The following PPP2R2D variants were observed in gnomAD, a reference collection of about 807,000 sequenced individuals.
The protein encoded by PPP2R2D is protein phosphatase 2 regulatory subunit Bdelta.
PPP2R2D carries 9 observed loss-of-function variants against 31.1 expected under a neutral mutation model. The observed-to-expected ratio is 0.29, with a 90% CI of 0.17 to 0.51. The LOEUF is 0.51. Ranked by LOEUF, PPP2R2D falls within the 20% of genes least tolerant of loss-of-function variation. PPP2R2D has a pLI of 0.98. For synonymous variants in PPP2R2D, 179 were observed against 172.6 expected (o/e 1.04, Z -0.29); for missense variants, 391 against 465.6 (o/e 0.84, Z 1.48).
intron 2 of PPP2R2D, among the ~76,000 whole-genome samples, chr10:131,929,149 G>C (rs2036161857): frequency 1.3e-5 from 2 of 152,180 alleles, no homozygotes; most frequent in African/African-American, 4.8e-5. Context: ...CTTGGTTTCA[G>C]GCACCCCCTT....
chr10:131,917,192 C>T (rs1554893276), intron 2 of PPP2R2D, among the ~76,000 whole-genome samples: 8 of 144,250 alleles, frequency 5.5e-5, no homozygotes, highest in Admixed American at 2.1e-4. Flanking sequence ...TTGTAGGGAC[C>T]TCAGGTGGGT....
intron 2 of PPP2R2D, among the ~76,000 whole-genome samples, chr10:131,907,498 T>C (rs2035612525): frequency 6.6e-6 from 1 of 152,038 alleles, no homozygotes; most frequent in Non-Finnish European, 1.5e-5. Flanking sequence ...CCCAGCACTT[T>C]GGGAGGCCGA....
In PPP2R2D at chr10:131,940,188, C is replaced by A; in HGVS notation, c.356C>A (p.Ser119Tyr). ...CAGAATGCTGCTCATTTTCTACTGT[C>A]TACAAATGGTAAGAATTGTGTTCTA... ...PQQNAAHFLL[S>Y]TNDKTIKLWK... Residue 119 changes from serine (S) to tyrosine (Y), a missense_variant, in exon 4 of 9, where the codon TCT (serine) becomes TAT (tyrosine). Physicochemically the swap from Ser to Tyr is moderately radical, Grantham distance 144 (BLOSUM62 -2). This residue lies in a region of PPP2R2D where 105 missense variants were observed against 98.5 expected (regional missense o/e 1.07). Transcript: ENST00000455566. 1 of 742,114 alleles carries A rather than the reference C, an allele frequency of 1.3e-6. No homozygotes were observed. Among genetic ancestry groups the A allele is most frequent in the South Asian group, 1.5e-5 (1 of 68,118 alleles). 46.0% of individuals were successfully genotyped at this position (742,114 alleles called of 1,614,324 possible). A position where few individuals can be genotyped will look rare whatever the true frequency, so the allele number is the denominator to read the frequency against.
chr10:131,937,082 G>C (rs1289712206), intron 3 of PPP2R2D, among the ~76,000 whole-genome samples: 10 of 152,232 alleles, frequency 6.6e-5, no homozygotes, highest in Admixed American at 3.3e-4. Flanking sequence ...GTCCACGTGT[G>C]CGTCTTAGAA....
chr10:131,928,158 G>A (rs1254684532), intron 2 of PPP2R2D, among the ~76,000 whole-genome samples: 3 of 152,186 alleles, frequency 2.0e-5, no homozygotes, highest in Non-Finnish European at 4.4e-5. Context: ...GACAGCTAGG[G>A]AGGGTGGACA....
At chr10:131,906,329 T>G (rs1466851334) in intron 2 of PPP2R2D, among the ~76,000 whole-genome samples, 2 of 152,200 alleles carry the variant, frequency 1.3e-5, no homozygotes, top group Admixed American at 1.3e-4. Context: ...TTAAGTGTAT[T>G]GGGGTTTTAT....
At chr10:131,928,101 G>C (rs1299734965) in intron 2 of PPP2R2D, among the ~76,000 whole-genome samples, 1 of 152,206 alleles carries the variant, frequency 6.6e-6, no homozygotes, top group Non-Finnish European at 1.5e-5. Context: ...CATTTCAGCT[G>C]GTGTGTGAGT....
At chr10:131,963,548 C>T (rs1421360386), downstream of PPP2R2D, among the ~76,000 whole-genome samples, 3 of 152,190 alleles carry the variant, frequency 2.0e-5, no homozygotes, top group Non-Finnish European at 4.4e-5. Flanking sequence ...TCACTGCGCG[C>T]GTCTGGGCGG....
At chr10:131,910,653 G>A (rs2119737401) in intron 2 of PPP2R2D, among the ~76,000 whole-genome samples, 1 of 152,290 alleles carries the variant, frequency 6.6e-6, no homozygotes, top group East Asian at 1.9e-4. Flanking sequence ...TATGTATTTG[G>A]TCTTCCCTAG....
downstream of PPP2R2D, among the ~76,000 whole-genome samples, chr10:131,962,640 G>A (rs1297446969): frequency 2.6e-5 from 4 of 152,130 alleles, no homozygotes; most frequent in Non-Finnish European, 5.9e-5. Flanking sequence ...TGCAGGGACC[G>A]TCCATCGCTG....
downstream of PPP2R2D, among the ~76,000 whole-genome samples, chr10:131,964,623 T>C (rs1488268992): frequency 1.3e-5 from 2 of 151,866 alleles, no homozygotes; most frequent in African/African-American, 2.4e-5. Context: ...GTTTCAGGAT[T>C]GCCAACCCAT....
At position 131,957,970 on chromosome 10, in the gene PPP2R2D, G is replaced by A. The variant is rs781834243; in HGVS notation, c.*2007G>A. On this transcript the variant is annotated 3_prime_UTR_variant, in exon 9 of 9. Transcript: ENST00000455566. Reference sequence around the variant, plus strand: ...CATCTCCCTGTGAAGATGAAGGGGTGTGCTGATCCCCCGTGCCCCTGTGGA... The same window carrying A: ...CATCTCCCTGTGAAGATGAAGGGGTATGCTGATCCCCCGTGCCCCTGTGGA... The A allele has an allele frequency of 3.0e-4, 48 of 157,682 alleles. 1 individual carries two copies. The highest frequency in any genetic ancestry group is 1.5e-4 in the South Asian group (1 of 6,884). The allele number at this position is 157,682 out of a possible 1,614,324, so 9.8% of individuals were successfully genotyped here. A position where few individuals can be genotyped will look rare whatever the true frequency, so the allele number is the denominator to read the frequency against.
chr10:131,946,330 T>A, intron 7 of PPP2R2D, among the ~76,000 whole-genome samples: 1 of 152,192 alleles, frequency 6.6e-6, no homozygotes, highest in Non-Finnish European at 1.5e-5. Context: ...CCTGAAACAT[T>A]GCTGACCCTT....
At chr10:131,923,352 T>C (rs2036030698) in intron 2 of PPP2R2D, among the ~76,000 whole-genome samples, 1 of 152,258 alleles carries the variant, frequency 6.6e-6, no homozygotes, top group Admixed American at 6.5e-5. Context: ...CATTTTTGTT[T>C]ATCCGTTAGT....
chr10:131,937,838 G>C (rs1554896694), intron 3 of PPP2R2D, among the ~76,000 whole-genome samples: 1 of 152,240 alleles, frequency 6.6e-6, no homozygotes, highest in African/African-American at 2.4e-5. Context: ...TTGAGGGGCT[G>C]TGCTTTTTTG....
intron 2 of PPP2R2D, among the ~76,000 whole-genome samples, chr10:131,908,072 C>G (rs2035626422): frequency 1.3e-5 from 2 of 152,162 alleles, no homozygotes; most frequent in Admixed American, 6.5e-5. Context: ...AAGTGCTTTT[C>G]AAGTATTAGA....
downstream of PPP2R2D, among the ~76,000 whole-genome samples, chr10:131,962,415 T>C (rs2036937820): frequency 6.6e-6 from 1 of 152,200 alleles, no homozygotes; most frequent in African/African-American, 2.4e-5. Flanking sequence ...ACAGTCTCCA[T>C]CTGGTGAGTG....
chr10:131,947,483 C>T lies in PPP2R2D; in HGVS notation c.821-47C>T, dbSNP rs200130260. On this transcript the variant is annotated intron_variant, in intron 7 of 8. Transcript: ENST00000455566. The surrounding 1 kb of genome is among the most constrained non-coding windows in gnomAD (Gnocchi z 4.3). ...TACTTGAACTTGAAAATGATTTGTT[C>T]TCTGATTTTTAAACAGAAGCTGAAA... 1 of 1,582,008 alleles carries T rather than the reference C, an allele frequency of 6.3e-7. No individual in the cohort carries two copies. The highest frequency in any genetic ancestry group is 1.1e-5 in the South Asian group (1 of 87,846).
rs2036568285 is a variant in PPP2R2D, at chr10:131,947,783, T to C, written c.1074T>C (p.Gly358=). 1 of 1,613,566 alleles carries C rather than the reference T, an allele frequency of 6.2e-7. No individual in the cohort carries two copies. The highest frequency in any genetic ancestry group is 8.5e-7 in the Non-Finnish European group (1 of 1,179,558). Residue 358 remains glycine (G), a synonymous_variant, in exon 8 of 9, where the codon GGT becomes GGC. Transcript: ENST00000455566. This position sits in a 1 kb window ranked among gnomAD's most constrained non-coding sequence, Gnocchi z 4.3. ...IFDKFECCWN[G]SDSAIMTGSY... Reference sequence around the variant, plus strand: ...ACAAGTTTGAGTGTTGCTGGAACGGTTCGGATAGGTAAGGCCTGCGTGGAG... The same window carrying C: ...ACAAGTTTGAGTGTTGCTGGAACGGCTCGGATAGGTAAGGCCTGCGTGGAG...
Sources: gnomAD v4.1 joint callset for allele counts (sites outside exome capture counted in the v4.1 genomes callset) on GRCh38, gnomAD v4.1.1 for gene constraint, gnomAD v4.1.1 regional missense constraint, Gnocchi (gnomAD v3.1) non-coding constraint, MANE v1.5 for transcripts, NCBI Gene and HGNC (gene_info 2026-07-23, HGNC 2026-07-21) for gene names.